Variants in PCDH7 observed in about 807,000 individuals in gnomAD.
PCDH7 encodes the protein protocadherin 7.
In PCDH7, 17 loss-of-function variants were observed where a neutral mutation model predicts 58.9. The observed-to-expected ratio is 0.29, with a 90% confidence interval of 0.20 to 0.43. The LOEUF (loss-of-function observed/expected upper bound fraction) is 0.43, where lower values mean the gene tolerates loss of function less well. PCDH7 is among the 20% of genes least tolerant of loss of function. The pLI is 1.00. For synonymous variants in PCDH7, 664 were observed against 616.4 expected, an observed-to-expected ratio of 1.08 and a Z score of -1.14; for missense variants, 1,274 against 1,441.0, an observed-to-expected ratio of 0.88 and a Z score of 1.88.
At chr4:30,777,734 CTACGT>C (rs1722257399) in intron 1 of PCDH7, among the ~76,000 whole-genome samples, 1 of 152,062 alleles carries the variant, frequency 6.6e-6, no homozygotes, top group Non-Finnish European at 1.5e-5. Flanking sequence ...CTTTCATTTA[CTACGT>C]TACATTTATT....
intron 3 of PCDH7, among the ~76,000 whole-genome samples, chr4:30,956,730 G>A (rs1366599749): frequency 6.6e-6 from 1 of 152,144 alleles, no homozygotes; most frequent in African/African-American, 2.4e-5. Context: ...TAGTTAGTGA[G>A]ACACTTGTGA....
intron 1 of PCDH7, among the ~76,000 whole-genome samples, chr4:30,837,950 T>C (rs1730719898): frequency 6.7e-6 from 1 of 150,292 alleles, no homozygotes; most frequent in African/African-American, 2.4e-5. Context: ...TAATGTCTTA[T>C]ATGAGACCAA....
At chr4:31,047,523 T>C (rs1756383345) in intron 3 of PCDH7, among the ~76,000 whole-genome samples, 1 of 152,082 alleles carries the variant, frequency 6.6e-6, no homozygotes, top group East Asian at 1.9e-4. Flanking sequence ...AGTCACACAA[T>C]TGTCATTTCT....
intron 2 of PCDH7, among the ~76,000 whole-genome samples, chr4:30,944,380 A>G (rs1161077354): frequency 1.3e-5 from 2 of 152,140 alleles, no homozygotes; most frequent in African/African-American, 4.8e-5. Context: ...AAACATATAT[A>G]TAACTAATTA....
chr4:31,074,751 C>T, intron 3 of PCDH7, among the ~76,000 whole-genome samples: 1 of 133,230 alleles, frequency 7.5e-6, no homozygotes, highest in East Asian at 2.4e-4. Context: ...CACCACTGCA[C>T]TCCAGCCTGG....
intron 3 of PCDH7, among the ~76,000 whole-genome samples, chr4:31,076,860 A>G (rs181615251): frequency 2.6e-4 from 39 of 152,300 alleles, no homozygotes; most frequent in African/African-American, 9.4e-4. Flanking sequence ...CATGTCAAAC[A>G]AAATCTTTGC....
chr4:31,007,970 C>T (rs773315938), intron 3 of PCDH7, among the ~76,000 whole-genome samples: 10 of 152,030 alleles, frequency 6.6e-5, no homozygotes, highest in Non-Finnish European at 1.3e-4. Context: ...AACTATTGCA[C>T]ACCACTTAAT....
chr4:30,782,018 T>G (rs1174629087), intron 1 of PCDH7, among the ~76,000 whole-genome samples: 1 of 152,228 alleles, frequency 6.6e-6, no homozygotes, highest in African/African-American at 2.4e-5. Context: ...TAATTCTTTT[T>G]CATGTTGCAA....
At chr4:30,796,950 G>A (rs564734865) in intron 1 of PCDH7, among the ~76,000 whole-genome samples, 1 of 151,152 alleles carries the variant, frequency 6.6e-6, no homozygotes, top group Non-Finnish European at 1.5e-5. Context: ...TTATTAAGTT[G>A]TTGGCGCTTT....
intron 1 of PCDH7, among the ~76,000 whole-genome samples, chr4:30,898,877 C>G (rs1739821762): frequency 6.6e-6 from 1 of 152,084 alleles, no homozygotes; most frequent in Non-Finnish European, 1.5e-5. Flanking sequence ...AGGCGTGAGC[C>G]ACGGCGCCTG....
intron 2 of PCDH7, among the ~76,000 whole-genome samples, chr4:30,925,549 A>G (rs1014777824): frequency 6.6e-6 from 1 of 152,196 alleles, no homozygotes; most frequent in Admixed American, 6.5e-5. Context: ...GAAAGAGACT[A>G]ACATGACTTG....
At chr4:30,931,223 A>G (rs1435660878) in intron 2 of PCDH7, among the ~76,000 whole-genome samples, 1 of 152,086 alleles carries the variant, frequency 6.6e-6, no homozygotes, top group African/African-American at 2.4e-5. Flanking sequence ...GTTGCATGAT[A>G]CTTCTGGAAT....
intron 3 of PCDH7, among the ~76,000 whole-genome samples, chr4:30,985,931 A>G (rs1227338565): frequency 6.6e-6 from 1 of 152,150 alleles, no homozygotes; most frequent in Non-Finnish European, 1.5e-5. Context: ...CAACAATAAC[A>G]ACAACAAAAT....
At chr4:30,857,046 A>C (rs1733556108) in intron 1 of PCDH7, among the ~76,000 whole-genome samples, 1 of 152,068 alleles carries the variant, frequency 6.6e-6, no homozygotes, top group Non-Finnish European at 1.5e-5. Context: ...AATTAAATAC[A>C]TTCTGAAATT....
At chr4:30,915,222 A>G (rs1742286217) in intron 1 of PCDH7, among the ~76,000 whole-genome samples, 1 of 152,174 alleles carries the variant, frequency 6.6e-6, no homozygotes, top group African/African-American at 2.4e-5. Context: ...CTTCTACCCT[A>G]TTTCTCTCTT....
chr4:30,744,185 G>A (rs1041103492), intron 1 of PCDH7, among the ~76,000 whole-genome samples: 1 of 151,994 alleles, frequency 6.6e-6, no homozygotes, highest in Non-Finnish European at 1.5e-5. Context: ...GCAGCCAAGT[G>A]GTAGGATTTT....
At chr4:30,979,123 G>A (rs1023059946) in intron 3 of PCDH7, among the ~76,000 whole-genome samples, 4 of 151,776 alleles carry the variant, frequency 2.6e-5, no homozygotes, top group Non-Finnish European at 5.9e-5. Context: ...TCAGGAGATC[G>A]AGACCATCCT....
intron 3 of PCDH7, among the ~76,000 whole-genome samples, chr4:31,118,924 G>T (rs1717318766): frequency 6.6e-6 from 1 of 152,096 alleles, no homozygotes; most frequent in Non-Finnish European, 1.5e-5. Flanking sequence ...GCTCCTGTTG[G>T]CTTACTCCTC....
At chr4:30,920,703 T>C (rs1268052439) in intron 2 of PCDH7, among the ~76,000 whole-genome samples, 1 of 152,212 alleles carries the variant, frequency 6.6e-6, no homozygotes, top group Non-Finnish European at 1.5e-5. Context: ...ATTGTTTTCT[T>C]CTATTCATTT....
Sources: gnomAD v4.1 joint callset for allele counts (sites outside exome capture counted in the v4.1 genomes callset) on GRCh38, gnomAD v4.1.1 for gene constraint, MANE v1.5 for transcripts, NCBI Gene and HGNC (gene_info 2026-07-23, HGNC 2026-07-21) for gene names.